PLCL1: variants seen among roughly 807,000 people sequenced by gnomAD.
PLCL1 encodes phospholipase C like 1 (inactive), also known as inactive phospholipase C-like protein 1.
Under a neutral mutation model 84.4 loss-of-function variants are expected in PLCL1, and 41 were observed. The observed-to-expected ratio is 0.49, with a 90% CI of 0.38 to 0.63. The LOEUF is 0.63. Among genes scored for constraint, PLCL1 ranks in the 30% least tolerant of loss-of-function variants. The pLI, the probability that PLCL1 is intolerant of heterozygous loss-of-function variation, is 0.00. For missense variants in PLCL1, 1,206 were observed against 1,367.8 expected, an observed-to-expected ratio of 0.88 and a Z score of 1.87; for synonymous variants, 490 against 488.3, an observed-to-expected ratio of 1.00 and a Z score of -0.05.
chr2:197,847,993 G>C lies in PLCL1; in HGVS notation c.240+42654G>C, dbSNP rs113294521. Among the ~76,000 whole-genome samples, 893 of 152,270 alleles carry C rather than the reference G, an allele frequency of 5.9e-3. 5 individuals are homozygous for C. The highest frequency in any genetic ancestry group is 9.4e-3 in the Non-Finnish European group (642 of 68,014). ...TTTCCTATCCTTTCCTCTAAAGAGA[G>C]CTAAAAAAATAAAACTATAATCAGA... On this transcript the variant is annotated intron_variant, in intron 1 of 5. Coordinates refer to ENST00000428675, the MANE Select transcript of PLCL1 (RefSeq NM_006226.4).
chr2:198,123,710 A>G (rs1693923251), intron 5 of PLCL1, among the ~76,000 whole-genome samples: 1 of 152,042 alleles, frequency 6.6e-6, no homozygotes, highest in Non-Finnish European at 1.5e-5. Context: ...CCATGCAGCA[A>G]TGAGCATTGC....
At chr2:197,897,008 A>G (rs1440284739) in intron 1 of PLCL1, among the ~76,000 whole-genome samples, 1 of 152,218 alleles carries the variant, frequency 6.6e-6, no homozygotes, top group African/African-American at 2.4e-5. Flanking sequence ...TCATTAGAAA[A>G]CTATATACTG....
intron 1 of PLCL1, among the ~76,000 whole-genome samples, chr2:197,877,467 A>C (rs1336345919): frequency 6.6e-5 from 10 of 152,146 alleles, no homozygotes; most frequent in Non-Finnish European, 1.5e-4. Context: ...ATCTCCTGGA[A>C]GTGATACTCT....
In PLCL1 at chr2:197,806,725, A is replaced by G. The variant is rs1029356182; in HGVS notation, c.240+1386A>G. Reference sequence around the variant, plus strand: ...GTTTTCAAACTTAAAAAACATCACAATTAGGAAACACATACATTTTGGATT... The same window carrying G: ...GTTTTCAAACTTAAAAAACATCACAGTTAGGAAACACATACATTTTGGATT... On this transcript the variant is annotated intron_variant, in intron 1 of 5. Transcript: ENST00000428675. Among the ~76,000 whole-genome samples the G allele has an allele frequency of 1.1e-4, 17 of 152,288 alleles. No homozygotes were observed. In the South Asian group the frequency reaches 1.7e-3, roughly 15 times the overall value.
At chr2:197,853,692 C>T (rs1049490437) in intron 1 of PLCL1, among the ~76,000 whole-genome samples, 1 of 152,136 alleles carries the variant, frequency 6.6e-6, no homozygotes, top group Admixed American at 6.6e-5. Context: ...ACCTGACTCC[C>T]TCCTATGCAT....
intron 1 of PLCL1, among the ~76,000 whole-genome samples, chr2:197,827,927 C>G (rs1174179023): frequency 6.6e-6 from 1 of 151,290 alleles, no homozygotes; most frequent in Non-Finnish European, 1.5e-5. Flanking sequence ...GGTCAAGAGT[C>G]TATGTTTCTA....
intron 1 of PLCL1, among the ~76,000 whole-genome samples, chr2:197,961,238 G>GGA (rs60411488): frequency 0.014 from 1,986 of 146,046 alleles, 33 homozygotes; most frequent in African/African-American, 0.042. Flanking sequence ...TTGGGAAGGT[G>GGA]GAGAGAGAGA....
At chr2:197,889,218 G>A (rs1374074491) in intron 1 of PLCL1, among the ~76,000 whole-genome samples, 3 of 152,130 alleles carry the variant, frequency 2.0e-5, no homozygotes, top group Non-Finnish European at 4.4e-5. Context: ...CAAAAGGGAA[G>A]AAATTTTCTG....
At chr2:198,089,162 C>A in intron 3 of PLCL1, 101 bp downstream of exon 3, 1 of 831,642 alleles carries the variant, frequency 1.2e-6, no homozygotes, top group Non-Finnish European at 2.0e-6. Context: ...CACAGGGTGA[C>A]TACCTTTGAA....
intron 1 of PLCL1, among the ~76,000 whole-genome samples, chr2:197,897,756 C>T (rs890155689): frequency 6.6e-6 from 1 of 152,100 alleles, no homozygotes. Context: ...ATTTGTTATT[C>T]TGAGGTCTGG....
At chr2:198,127,989 G>T (rs1428584366) in intron 5 of PLCL1, among the ~76,000 whole-genome samples, 1 of 152,052 alleles carries the variant, frequency 6.6e-6, no homozygotes, top group Non-Finnish European at 1.5e-5. Context: ...AAATAAAGCG[G>T]CTCTAAAATA....
chr2:197,981,776 A>G (rs1450929899), intron 1 of PLCL1, among the ~76,000 whole-genome samples: 4 of 152,206 alleles, frequency 2.6e-5, no homozygotes, highest in Non-Finnish European at 4.4e-5. Context: ...CAAACTAGGC[A>G]TGATAAAAGT....
At chr2:198,091,301 G>C (rs1372601699) in intron 3 of PLCL1, among the ~76,000 whole-genome samples, 2 of 152,088 alleles carry the variant, frequency 1.3e-5, no homozygotes, top group African/African-American at 4.8e-5. Flanking sequence ...GCATTGTATT[G>C]GTTGGCATCT....
At chr2:198,002,223 C>T (rs1417039821) in intron 1 of PLCL1, among the ~76,000 whole-genome samples, 1 of 152,124 alleles carries the variant, frequency 6.6e-6, no homozygotes, top group Admixed American at 6.6e-5. Context: ...TGTATCTATT[C>T]TTCAGTTGAT....
intron 1 of PLCL1, among the ~76,000 whole-genome samples, chr2:198,056,827 C>G (rs975100683): frequency 6.6e-6 from 1 of 151,788 alleles, no homozygotes; most frequent in Non-Finnish European, 1.5e-5. Flanking sequence ...TTGGGTGTTG[C>G]TGACTTTGAT....
At chr2:198,006,503 G>GT (rs1198385039) in intron 1 of PLCL1, among the ~76,000 whole-genome samples, 10 of 152,162 alleles carry the variant, frequency 6.6e-5, no homozygotes, top group Non-Finnish European at 1.0e-4. Context: ...CTGGAGGCGT[G>GT]TTGCCTCATT....
rs1692829507 is a variant in PLCL1 at position 198,085,036 on chromosome 2, A to G, written c.1519A>G (p.Met507Val). Residue 507 changes from methionine to valine, a missense_variant, in exon 2 of 6, where the codon ATG (methionine) becomes GTG (valine). Coordinates refer to ENST00000428675, the MANE Select transcript of PLCL1 (RefSeq NM_006226.4). This position sits in a 1 kb window ranked among gnomAD's most constrained non-coding sequence, Gnocchi z 5.3. ...GCAGCAGAAGGTAATGGCTCAACAG[A>G]TGAAAAAGGTCTTTGGCAATAAACT... is the stretch of plus-strand genomic sequence containing the variant. Reference protein sequence around the residue: ...LPQQKVMAQQMKKVFGNKLYT... With the variant: ...LPQQKVMAQQVKKVFGNKLYT... 4 of 1,614,088 alleles carry G rather than the reference A, an allele frequency of 2.5e-6. No individual in the cohort carries two copies. The highest frequency in any genetic ancestry group is 1.3e-5 in the African/African-American group (1 of 75,034).
intron 1 of PLCL1, among the ~76,000 whole-genome samples, chr2:198,061,638 C>T (rs1407992795): frequency 1.3e-5 from 2 of 152,222 alleles, no homozygotes; most frequent in Admixed American, 6.5e-5. Context: ...CTCGCTCTGT[C>T]GCCCAGGCTG....
At chr2:198,101,214 G>C in intron 3 of PLCL1, 71 bp from the exon 4 acceptor site, 1 of 865,362 alleles carries the variant, frequency 1.2e-6, no homozygotes, top group Non-Finnish European at 1.9e-6. Context: ...GGGTCTCTCT[G>C]TATGTCGTCT....
Sources: allele counts gnomAD v4.1 joint callset (sites outside exome capture counted in the v4.1 genomes callset), GRCh38; gene constraint gnomAD v4.1.1; non-coding constraint Gnocchi (gnomAD v3.1); transcripts MANE v1.5; gene names NCBI Gene and HGNC (gene_info 2026-07-23, HGNC 2026-07-21).